RETREG1: variants seen among roughly 807,000 people sequenced by gnomAD.
RETREG1 encodes the protein family with sequence similarity 134 member B.
Under a neutral mutation model 54.8 loss-of-function variants are expected in RETREG1, and 44 were observed. That is an observed-to-expected ratio of 0.80 (90% CI 0.63 to 1.03). RETREG1 has a LOEUF of 1.03. Among genes scored for constraint, RETREG1 ranks in the 50% least tolerant of loss-of-function variants. The probability of loss-of-function intolerance (pLI) is 0.00; values close to 1 mark genes in which losing one functional copy is unlikely to be tolerated. For missense variants in RETREG1, 554 were observed against 605.1 expected (o/e 0.92, Z 0.89); for synonymous variants, 217 against 238.5 (o/e 0.91, Z 0.83).
chr5:16,519,731 G>A (rs1228832891), intron 3 of RETREG1, among the ~76,000 whole-genome samples: 4 of 152,150 alleles, frequency 2.6e-5, no homozygotes, highest in African/African-American at 9.7e-5. Context: ...GTCTAACGCA[G>A]ACACTGCCCA....
chr5:16,591,788 C>T (rs560533853), intron 1 of RETREG1, among the ~76,000 whole-genome samples: 3 of 152,252 alleles, frequency 2.0e-5, no homozygotes, highest in South Asian at 2.1e-4. Flanking sequence ...TGACTTCCAG[C>T]GCCATATTTA....
chr5:16,480,862 A>T (rs896675477), intron 5 of RETREG1, 147 bp downstream of exon 5: 6 of 644,780 alleles, frequency 9.3e-6, no homozygotes, highest in Non-Finnish European at 1.7e-5. Context: ...AGGAAAATGG[A>T]GAAACTTTGT....
chr5:16,611,435 C>CA (rs1272454100), intron 1 of RETREG1, among the ~76,000 whole-genome samples: 1 of 152,122 alleles, frequency 6.6e-6, no homozygotes, highest in Non-Finnish European at 1.5e-5. Context: ...TTCTAGGCTG[C>CA]AGATGTAACA....
chr5:16,526,779 A>T (rs939804872), intron 3 of RETREG1, among the ~76,000 whole-genome samples: 1 of 152,216 alleles, frequency 6.6e-6, no homozygotes, highest in Non-Finnish European at 1.5e-5. Flanking sequence ...AGGGACTGTT[A>T]TCACCCCCGT....
chr5:16,590,110 A>G (rs2447813), intron 1 of RETREG1, among the ~76,000 whole-genome samples: 20,542 of 152,248 alleles, frequency 0.13, 1,406 homozygotes, highest in Non-Finnish European at 0.16. Flanking sequence ...TAAACTGAGA[A>G]TGAACCTCAG....
At chr5:16,476,914 C>CA (rs928177694) in intron 8 of RETREG1, among the ~76,000 whole-genome samples, 11 of 151,416 alleles carry the variant, frequency 7.3e-5, no homozygotes, top group East Asian at 5.8e-4. Context: ...AAGTCAGAAA[C>CA]AAAAAAAATA....
intron 3 of RETREG1, among the ~76,000 whole-genome samples, chr5:16,485,290 G>GT (rs1738972010): frequency 6.6e-6 from 1 of 152,018 alleles, no homozygotes; most frequent in African/African-American, 2.4e-5. Context: ...CATTTGAACT[G>GT]TTTGCCCAAT....
chr5:16,564,556 AGAACCTTAACCTGCCTAT>A (rs1433410541), intron 3 of RETREG1, among the ~76,000 whole-genome samples: 1 of 152,238 alleles, frequency 6.6e-6, no homozygotes, highest in Non-Finnish European at 1.5e-5. Context: ...AAATAGAAAG[AGAACCTTAACCTGCCTAT>A]GCGCAGCACA....
intron 3 of RETREG1, among the ~76,000 whole-genome samples, chr5:16,547,877 T>C (rs1178515650): frequency 6.6e-6 from 1 of 152,156 alleles, no homozygotes; most frequent in East Asian, 1.9e-4. Flanking sequence ...AAATTAATGC[T>C]GGATAAAATT....
chr5:16,583,291 C>T (rs1742539605), intron 1 of RETREG1, among the ~76,000 whole-genome samples: 1 of 151,566 alleles, frequency 6.6e-6, no homozygotes. Context: ...TCAAGACCAG[C>T]CTGGGCAACA....
intron 5 of RETREG1, among the ~76,000 whole-genome samples, chr5:16,479,633 G>A (rs1738684987): frequency 6.6e-6 from 1 of 151,966 alleles, no homozygotes; most frequent in Non-Finnish European, 1.5e-5. Context: ...ACTTCTTTTG[G>A]GGAGAATGGA....
intron 2 of RETREG1, among the ~76,000 whole-genome samples, chr5:16,570,899 A>G (rs929280608): frequency 1.3e-5 from 2 of 152,216 alleles, no homozygotes; most frequent in African/African-American, 4.8e-5. Flanking sequence ...GGAAAAGTGC[A>G]TTGAAGAATA....
intron 3 of RETREG1, among the ~76,000 whole-genome samples, chr5:16,516,485 T>C (rs1740361015): frequency 6.6e-6 from 1 of 152,250 alleles, no homozygotes; most frequent in Non-Finnish European, 1.5e-5. Flanking sequence ...TGAGTCCCAG[T>C]TGAAATTCCA....
intron 1 of RETREG1, among the ~76,000 whole-genome samples, chr5:16,590,879 AC>A: frequency 2.3e-5 from 1 of 43,736 alleles, no homozygotes; most frequent in South Asian, 6.0e-4. Context: ...GCAAACATAC[AC>A]ACACACGCAC....
intron 3 of RETREG1, among the ~76,000 whole-genome samples, chr5:16,531,007 G>A (rs1740901516): frequency 6.6e-6 from 1 of 152,208 alleles, no homozygotes; most frequent in Non-Finnish European, 1.5e-5. Flanking sequence ...AATAAGGAAG[G>A]AGGAAGGGAG....
At chr5:16,588,407 T>G (rs1044199980) in intron 1 of RETREG1, among the ~76,000 whole-genome samples, 3 of 152,228 alleles carry the variant, frequency 2.0e-5, no homozygotes, top group African/African-American at 7.2e-5. Context: ...TTAAAGGTCC[T>G]ATCCCCAAAT....
intron 3 of RETREG1, among the ~76,000 whole-genome samples, chr5:16,528,837 A>G (rs1341165601): frequency 6.6e-6 from 1 of 152,186 alleles, no homozygotes; most frequent in South Asian, 2.1e-4. Context: ...TGCCTGCCAC[A>G]ATACTCAATC....
chr5:16,544,274 C>A (rs922597517), intron 3 of RETREG1, among the ~76,000 whole-genome samples: 1 of 152,124 alleles, frequency 6.6e-6, no homozygotes, highest in Non-Finnish European at 1.5e-5. Context: ...CCATGCCCAG[C>A]CTATTGCCAA....
chr5:16,551,550 C>T (rs1449180897), intron 3 of RETREG1, among the ~76,000 whole-genome samples: 1 of 152,116 alleles, frequency 6.6e-6, no homozygotes, highest in Non-Finnish European at 1.5e-5. Flanking sequence ...TGGCTCCCTC[C>T]CAAAAATGTT....
Sources: allele counts gnomAD v4.1 joint callset (sites outside exome capture counted in the v4.1 genomes callset), GRCh38; gene constraint gnomAD v4.1.1; transcripts MANE v1.5; gene names NCBI Gene and HGNC (gene_info 2026-07-23, HGNC 2026-07-21).